NLGN1: variants seen among roughly 807,000 people sequenced by gnomAD.
NLGN1 encodes the protein neuroligin-1.
NLGN1 carries 12 observed loss-of-function variants against 65.5 expected under a neutral mutation model. The observed-to-expected ratio is 0.18, with a 90% CI of 0.12 to 0.30. The LOEUF is 0.30. Among genes scored for constraint, NLGN1 ranks in the 10% least tolerant of loss-of-function variants. The probability of loss-of-function intolerance (pLI) is 1.00; values close to 1 mark genes in which losing one functional copy is unlikely to be tolerated. For missense variants in NLGN1, 750 were observed against 1,007.1 expected, an observed-to-expected ratio of 0.74 and a Z score of 3.46; for synonymous variants, 350 against 359.5, an observed-to-expected ratio of 0.97 and a Z score of 0.30.
In NLGN1 at chr3:174,015,978, T is replaced by A. The variant is rs555710657; in HGVS notation, c.646+208146T>A. 3.9e-5 allele frequency among the ~76,000 whole-genome samples: 6 copies of A among 152,138 alleles called. No homozygotes were observed. The South Asian group carries it at 1.2e-3, about 32-fold the overall frequency. On this transcript the variant is annotated intron_variant, in intron 4 of 6. Transcript: ENST00000457714. The stretch of plus-strand genomic sequence containing the variant: ...GAGATTGGAAAACAGAAGAGAATAA[T>A]ATCTGGAAGACAAAAGCAACATTGA...
intron 2 of NLGN1, among the ~76,000 whole-genome samples, chr3:173,539,871 A>G (rs1300007771): frequency 8.8e-6 from 1 of 113,728 alleles, no homozygotes; most frequent in Non-Finnish European, 1.9e-5. Context: ...TGTGTTATAT[A>G]TATCTTATAT....
intron 4 of NLGN1, among the ~76,000 whole-genome samples, chr3:174,209,065 G>C (rs998259862): frequency 6.6e-6 from 1 of 151,984 alleles, no homozygotes; most frequent in Non-Finnish European, 1.5e-5. Flanking sequence ...GGGACTATAG[G>C]AACATGCCAC....
chr3:174,169,437 C>A (rs976627706), intron 4 of NLGN1, among the ~76,000 whole-genome samples: 1 of 151,562 alleles, frequency 6.6e-6, no homozygotes, highest in African/African-American at 2.4e-5. Flanking sequence ...TCCCTCTGTA[C>A]CAAGATCTGT....
chr3:173,679,497 C>T (rs916993397), intron 3 of NLGN1, among the ~76,000 whole-genome samples: 9 of 151,986 alleles, frequency 5.9e-5, no homozygotes, highest in African/African-American at 2.2e-4. Flanking sequence ...GACTGAGAAG[C>T]TAGAAAATTG....
chr3:173,590,197 C>T (rs1036207119), intron 2 of NLGN1, among the ~76,000 whole-genome samples: 2 of 152,092 alleles, frequency 1.3e-5, no homozygotes. Context: ...TTCACTTCAG[C>T]AACCATTATG....
chr3:173,724,669 C>T (rs578079205), intron 3 of NLGN1, among the ~76,000 whole-genome samples: 1 of 152,262 alleles, frequency 6.6e-6, no homozygotes, highest in South Asian at 2.1e-4. Context: ...TTGACCCAGC[C>T]ATCCCATTAT....
chr3:174,068,739 C>T (rs1739198147), intron 4 of NLGN1, among the ~76,000 whole-genome samples: 1 of 152,106 alleles, frequency 6.6e-6, no homozygotes, highest in Admixed American at 6.6e-5. Flanking sequence ...CACCATTTCG[C>T]TTTAATCAAT....
intron 2 of NLGN1, among the ~76,000 whole-genome samples, chr3:173,555,983 T>C (rs944949933): frequency 6.6e-6 from 1 of 152,218 alleles, no homozygotes; most frequent in Non-Finnish European, 1.5e-5. Context: ...ATTTTTAAAA[T>C]AGAGATGAAG....
At chr3:174,220,445 A>G (rs1313937702) in intron 4 of NLGN1, among the ~76,000 whole-genome samples, 1 of 152,190 alleles carries the variant, frequency 6.6e-6, no homozygotes, top group Non-Finnish European at 1.5e-5. Context: ...TTGGAATCAT[A>G]AACAGCAATT....
intron 4 of NLGN1, among the ~76,000 whole-genome samples, chr3:173,819,711 A>G (rs755038382): frequency 1.3e-5 from 2 of 152,230 alleles, no homozygotes; most frequent in Non-Finnish European, 2.9e-5. Context: ...ATGGTTATGT[A>G]TATTAACTGC....
At chr3:173,702,586 G>A (rs1662092967) in intron 3 of NLGN1, among the ~76,000 whole-genome samples, 1 of 152,124 alleles carries the variant, frequency 6.6e-6, no homozygotes, top group Admixed American at 6.5e-5. Flanking sequence ...TCTATTAAAA[G>A]AACATCATAT....
chr3:174,197,957 T>A lies in NLGN1; in HGVS notation c.647-77358T>A, dbSNP rs192885200. ...ATTTTGATGTTATTCTTTTTGTCTT[T>A]CTACAAGTAGTTATACATACACATA... is the stretch of plus-strand genomic sequence containing the variant. On this transcript the variant is annotated intron_variant, in intron 4 of 6. Transcript: ENST00000457714. 2.0e-5 allele frequency among the ~76,000 whole-genome samples: 3 copies of A among 152,262 alleles called. No homozygotes were observed. The East Asian group carries it at 5.8e-4, about 29-fold the overall frequency.
chr3:173,812,038 A>T (rs1275054902), intron 4 of NLGN1, among the ~76,000 whole-genome samples: 1 of 152,126 alleles, frequency 6.6e-6, no homozygotes, highest in Admixed American at 6.5e-5. Context: ...GCAATTCATA[A>T]TTCTAGCACA....
At chr3:173,742,841 TC>T (rs1774856240) in intron 3 of NLGN1, among the ~76,000 whole-genome samples, 1 of 152,142 alleles carries the variant, frequency 6.6e-6, no homozygotes, top group Non-Finnish European at 1.5e-5. Context: ...CCATTGTTTA[TC>T]CCTAAGAAAA....
chr3:173,449,884 C>T (rs904844727), intron 2 of NLGN1, among the ~76,000 whole-genome samples: 1 of 152,118 alleles, frequency 6.6e-6, no homozygotes, highest in Non-Finnish European at 1.5e-5. Flanking sequence ...AGGATTGCAA[C>T]CCCTGCCTTT....
intron 4 of NLGN1, among the ~76,000 whole-genome samples, chr3:174,065,573 A>G (rs1738345840): frequency 1.3e-5 from 2 of 152,136 alleles, no homozygotes. Context: ...CTTCGAAAAT[A>G]CGTCTCATTG....
chr3:173,503,940 C>A (rs908969338), intron 2 of NLGN1, among the ~76,000 whole-genome samples: 3 of 151,820 alleles, frequency 2.0e-5, no homozygotes, highest in Non-Finnish European at 4.4e-5. Flanking sequence ...CACTTTGCTT[C>A]TTTTGCTCGC....
At chr3:173,520,432 A>G (rs1411289192) in intron 2 of NLGN1, among the ~76,000 whole-genome samples, 1 of 152,216 alleles carries the variant, frequency 6.6e-6, no homozygotes, top group Non-Finnish European at 1.5e-5. Flanking sequence ...GTGATAATCC[A>G]TTTAGTCACC....
intron 2 of NLGN1, among the ~76,000 whole-genome samples, chr3:173,595,029 C>T (rs1749214409): frequency 6.6e-6 from 1 of 152,214 alleles, no homozygotes; most frequent in African/African-American, 2.4e-5. Flanking sequence ...ATGGGAGGGG[C>T]TGCTGTGAAG....
Sources: allele counts gnomAD v4.1 joint callset (sites outside exome capture counted in the v4.1 genomes callset), GRCh38; gene constraint gnomAD v4.1.1; transcripts MANE v1.5; gene names NCBI Gene and HGNC (gene_info 2026-07-23, HGNC 2026-07-21).